Variants in DAB1 observed in about 807,000 individuals in gnomAD.
DAB1 encodes the protein disabled homolog 1.
Under a neutral mutation model 64.6 loss-of-function variants are expected in DAB1, and 15 were observed. That is an observed-to-expected ratio of 0.23 (90% CI 0.16 to 0.36). The LOEUF (loss-of-function observed/expected upper bound fraction) is 0.36. Among genes scored for constraint, DAB1 ranks in the 10% least tolerant of loss-of-function variants. The pLI is 1.00. For synonymous variants in DAB1, 235 were observed against 251.9 expected (o/e 0.93, Z 0.64); for missense variants, 596 against 706.7 (o/e 0.84, Z 1.78).
At chr1:57,197,548 T>C (rs759235497) in intron 2 of DAB1, among the ~76,000 whole-genome samples, 1 of 152,198 alleles carries the variant, frequency 6.6e-6, no homozygotes, top group African/African-American at 2.4e-5. Context: ...ATCTTACAAA[T>C]GAAGAAACCG....
chr1:58,145,295 T>C (rs1396501524), intron 5 of DAB1, among the ~76,000 whole-genome samples: 1 of 152,224 alleles, frequency 6.6e-6, no homozygotes, highest in Non-Finnish European at 1.5e-5. Flanking sequence ...TGCCCTGCAA[T>C]GTGCCTGGCA....
chr1:57,965,243 T>C (rs1286712407), intron 5 of DAB1, among the ~76,000 whole-genome samples: 1 of 152,170 alleles, frequency 6.6e-6, no homozygotes, highest in Non-Finnish European at 1.5e-5. Flanking sequence ...GAGAGATTTA[T>C]CTCATAGTTG....
In DAB1 at chr1:57,357,519, C is replaced by CTTTT. The variant is rs35457403; in HGVS notation, c.-136-66357_-136-66354dup. Among the ~76,000 whole-genome samples, 332 of 122,750 alleles carry CTTTT rather than the reference C, an allele frequency of 2.7e-3. 5 individuals carry two copies. Among genetic ancestry groups the CTTTT allele is most frequent in the Admixed American group, 6.2e-3 (74 of 11,942 alleles). 80.5% of individuals were successfully genotyped at this position (122,750 alleles called of 152,430 possible). Reference sequence around the variant, plus strand: ...CATTGTAGAGATCTTCACCTTCTTCCTTTTTTTTTTTTTTTTTGGTAGCTA... The same window carrying CTTTT: ...CATTGTAGAGATCTTCACCTTCTTCCTTTTTTTTTTTTTTTTTTTTTGGTAGCTA... On this transcript the variant is annotated intron_variant, in intron 1 of 14. Coordinates refer to ENST00000371236, the MANE Select transcript of DAB1 (RefSeq NM_001365792.1).
At chr1:57,464,662 A>G (rs533864223) in intron 7 of DAB1, among the ~76,000 whole-genome samples, 88 of 152,326 alleles carry the variant, frequency 5.8e-4, no homozygotes, top group South Asian at 1.0e-3. Flanking sequence ...AAACACTTCA[A>G]GCAGCCATCA....
intron 5 of DAB1, among the ~76,000 whole-genome samples, chr1:58,073,316 C>A (rs938045627): frequency 6.6e-6 from 1 of 152,144 alleles, no homozygotes; most frequent in Admixed American, 6.5e-5. Context: ...ATTTCATTTT[C>A]TCCTCAGCAT....
intron 2 of DAB1, among the ~76,000 whole-genome samples, chr1:57,176,457 C>A (rs155315): frequency 7.2e-5 from 11 of 151,732 alleles, no homozygotes; most frequent in Admixed American, 2.6e-4. Context: ...CCGCCCCCCA[C>A]AATTCAATCA....
intron 5 of DAB1, among the ~76,000 whole-genome samples, chr1:57,965,115 G>A (rs934801095): frequency 3.3e-5 from 5 of 152,188 alleles, no homozygotes; most frequent in South Asian, 2.1e-4. Context: ...AATAGACAGC[G>A]TGAGTAGCTG....
At chr1:58,387,727 T>C (rs1205823553) in intron 3 of DAB1, among the ~76,000 whole-genome samples, 31 of 131,438 alleles carry the variant, frequency 2.4e-4, no homozygotes, top group African/African-American at 5.8e-4. Context: ...CTTTTCTTTT[T>C]TTTTTTTTTT....
At chr1:57,591,408 A>G (rs1036150993) in intron 7 of DAB1, among the ~76,000 whole-genome samples, 36 of 152,260 alleles carry the variant, frequency 2.4e-4, no homozygotes, top group African/African-American at 8.0e-4. Flanking sequence ...ACAAATGTTC[A>G]GGAAGGAATG....
chr1:58,132,077 TG>T (rs1653631570), intron 5 of DAB1, among the ~76,000 whole-genome samples: 1 of 152,148 alleles, frequency 6.6e-6, no homozygotes, highest in South Asian at 2.1e-4. Context: ...CCTTGCAGTT[TG>T]ATCTCAGACT....
intron 4 of DAB1, among the ~76,000 whole-genome samples, chr1:58,227,095 C>T (rs566538695): frequency 1.6e-4 from 25 of 152,288 alleles, no homozygotes; most frequent in African/African-American, 6.0e-4. Context: ...GTAGAGCTGG[C>T]TAAATGTAGA....
At chr1:57,333,924 T>G (rs772316399) in intron 1 of DAB1, among the ~76,000 whole-genome samples, 1 of 152,142 alleles carries the variant, frequency 6.6e-6, no homozygotes, top group Non-Finnish European at 1.5e-5. Flanking sequence ...CCCTAACACC[T>G]TATGTTGGCA....
intron 3 of DAB1, among the ~76,000 whole-genome samples, chr1:58,502,112 A>C (rs1225295218): frequency 6.6e-6 from 1 of 152,254 alleles, no homozygotes; most frequent in Non-Finnish European, 1.5e-5. Flanking sequence ...AAAAGTTGAT[A>C]AGCTACAGTA....
intron 7 of DAB1, among the ~76,000 whole-genome samples, chr1:57,612,905 C>A (rs1315465574): frequency 2.0e-5 from 3 of 152,056 alleles, no homozygotes; most frequent in Non-Finnish European, 4.4e-5. Context: ...GTGAATGAAA[C>A]CATGAACGGT....
chr1:57,687,599 C>CAAA lies in DAB1; in HGVS notation n.552-37937_552-37935dup, dbSNP rs57316234. On this transcript the variant is annotated intron_variant and non_coding_transcript_variant, in intron 6 of 20. Coordinates refer to the DAB1 transcript ENST00000485760. ...GAATATCGAAAGTAATCTTAAGAAA[C>CAAA]AAAAAAAAAAAAAAAAAAAAGAAAA... Among the ~76,000 whole-genome samples the CAAA allele has an allele frequency of 7.8e-3, 646 of 82,430 alleles. 13 individuals carry two copies. The highest frequency in any genetic ancestry group is 0.027 in the African/African-American group (621 of 22,928). 54.1% of individuals were successfully genotyped at this position (82,430 alleles called of 152,430 possible). A position where few individuals can be genotyped will look rare whatever the true frequency, so the allele number is the denominator to read the frequency against.
intron 7 of DAB1, among the ~76,000 whole-genome samples, chr1:57,535,470 CTT>C (rs11358277): frequency 6.1e-4 from 80 of 130,450 alleles, no homozygotes; most frequent in African/African-American, 8.1e-4. Context: ...GTTGGACATT[CTT>C]TTTTTTTTTT....
chr1:57,356,994 T>A (rs1570358655), intron 1 of DAB1, among the ~76,000 whole-genome samples: 1 of 152,018 alleles, frequency 6.6e-6, no homozygotes, highest in Non-Finnish European at 1.5e-5. Flanking sequence ...TTGGAAACAA[T>A]AATGACCCTA....
rs1461798767 is a variant in DAB1 at position 57,335,810 on chromosome 1, A to G, written c.-136-44644T>C. Among the ~76,000 whole-genome samples the G allele has an allele frequency of 2.6e-5, 4 of 152,234 alleles. 1 individual carries two copies. Among genetic ancestry groups the G allele is most frequent in the Non-Finnish European group, 5.9e-5 (4 of 68,028 alleles). Reference sequence around the variant, plus strand: ...AAACCTTTTAGTCAATCTGGCCCAGAACTAAATCAAGTACACAGGAATTAT... The same window carrying G: ...AAACCTTTTAGTCAATCTGGCCCAGGACTAAATCAAGTACACAGGAATTAT... On this transcript the variant is annotated intron_variant, in intron 1 of 14. Coordinates refer to ENST00000371236, the MANE Select transcript of DAB1 (RefSeq NM_001365792.1).
intron 5 of DAB1, among the ~76,000 whole-genome samples, chr1:57,904,426 T>C (rs1202849): frequency 0.61 from 93,289 of 152,060 alleles, 29,797 homozygotes; most frequent in African/African-American, 0.79. Flanking sequence ...GATCTGTGAC[T>C]GTACACAGTA....
Sources: gnomAD v4.1 joint callset for allele counts (sites outside exome capture counted in the v4.1 genomes callset) on GRCh38, gnomAD v4.1.1 for gene constraint, MANE v1.5 for transcripts, NCBI Gene and HGNC (gene_info 2026-07-23, HGNC 2026-07-21) for gene names.